Variants in NCAM1 observed in about 807,000 individuals in gnomAD.
NCAM1 encodes the protein neural cell adhesion molecule 1.
Under a neutral mutation model 109.8 loss-of-function variants are expected in NCAM1, and 14 were observed. The observed-to-expected ratio is 0.13, with a 90% confidence interval of 0.08 to 0.20. The LOEUF is 0.20. Among genes scored for constraint, NCAM1 ranks in the 10% least tolerant of loss-of-function variants. The pLI is 1.00. For missense variants in NCAM1, 774 were observed against 1,109.9 expected, an observed-to-expected ratio of 0.70 and a Z score of 4.30; for synonymous variants, 418 against 442.9, an observed-to-expected ratio of 0.94 and a Z score of 0.70.
intron 14 of NCAM1, chr11:113,236,408 C>G: frequency 7.2e-7 from 1 of 1,382,296 alleles, no homozygotes; most frequent in Non-Finnish European, 1.0e-6. Context: ...TTTTTTGTCC[C>G]CTAGAGGCTG....
At chr11:113,100,321 G>A (rs143008935) in intron 1 of NCAM1, among the ~76,000 whole-genome samples, 1,890 of 152,230 alleles carry the variant, frequency 0.012, 21 homozygotes, top group Non-Finnish European at 0.018. Flanking sequence ...TGGCCCCACA[G>A]TAGCATCTAG....
chr11:113,177,336 G>A (rs1316282848), intron 1 of NCAM1, among the ~76,000 whole-genome samples: 1 of 152,048 alleles, frequency 6.6e-6, no homozygotes, highest in African/African-American at 2.4e-5. Flanking sequence ...CCTTATGTGG[G>A]CTGAAATTCC....
rs1946445718 is a variant in NCAM1, at chr11:113,278,259, C to G, written c.*2872C>G. 6.6e-6 allele frequency: 1 copy of G among 152,172 alleles called. No homozygotes were observed. Among genetic ancestry groups the G allele is most frequent in the South Asian group, 2.1e-4 (1 of 4,820 alleles). 9.4% of individuals were successfully genotyped at this position (152,172 alleles called of 1,614,324 possible). ...TTCAGACCTCCATTAACATCCCTAC[C>G]CAGCATTCTGTACTTCGGGGGCCTT... On this transcript the variant is annotated 3_prime_UTR_variant, in exon 20 of 20. Transcript: ENST00000316851.
At chr11:113,022,200 G>A (rs890836997) in intron 1 of NCAM1, among the ~76,000 whole-genome samples, 3 of 152,154 alleles carry the variant, frequency 2.0e-5, no homozygotes, top group Non-Finnish European at 2.9e-5. Flanking sequence ...CAAACACCTC[G>A]TTTGGGGCAC....
chr11:113,272,136 C>T (rs1383007294), intron 19 of NCAM1, among the ~76,000 whole-genome samples: 1 of 152,122 alleles, frequency 6.6e-6, no homozygotes, highest in Admixed American at 6.5e-5. Context: ...CCCCTGTTCT[C>T]AAGTTATACA....
chr11:113,073,306 G>A (rs1938374150), intron 1 of NCAM1, among the ~76,000 whole-genome samples: 1 of 152,068 alleles, frequency 6.6e-6, no homozygotes, highest in South Asian at 2.1e-4. Context: ...AAATAAAAAG[G>A]CCCTCTTTCT....
intron 1 of NCAM1, among the ~76,000 whole-genome samples, chr11:113,166,330 G>A (rs1385651457): frequency 1.3e-5 from 2 of 152,138 alleles, no homozygotes; most frequent in East Asian, 3.9e-4. Flanking sequence ...TGCAGATGAG[G>A]GACTCTGAAA....
At position 113,263,276 on chromosome 11, in the gene NCAM1, G is replaced by GCGC. The variant is rs1946058934; in HGVS notation, c.2131+2953_2131+2954insCGC. 3 of 1,021,442 alleles carry GCGC rather than the reference G, an allele frequency of 2.9e-6. No homozygotes were observed. In the Admixed American group the frequency reaches 1.6e-4, roughly 55 times the overall value. The allele number at this position is 1,021,442 out of a possible 1,614,324, so 63.3% of individuals were successfully genotyped here. On this transcript the variant is annotated intron_variant, in intron 17 of 19. Transcript: ENST00000316851. ...TTTTGGGTTCAAACCTAAATATGAT[G>GCGC]TAGCAGAGGAAGAATTCTAAGTACC...
chr11:113,099,312 T>C (rs919751931), intron 1 of NCAM1, among the ~76,000 whole-genome samples: 3 of 152,180 alleles, frequency 2.0e-5, no homozygotes, highest in African/African-American at 7.2e-5. Context: ...GAAAACATCA[T>C]GAGGAGATGG....
chr11:113,059,594 G>GGA (rs140216205), intron 1 of NCAM1, among the ~76,000 whole-genome samples: 1,683 of 152,212 alleles, frequency 0.011, 31 homozygotes, highest in South Asian at 0.047. Context: ...GGTCGCAGGT[G>GGA]GACACTTCTT....
intron 1 of NCAM1, among the ~76,000 whole-genome samples, chr11:113,145,165 C>T (rs782221457): frequency 7.2e-5 from 11 of 152,160 alleles, no homozygotes; most frequent in Non-Finnish European, 1.6e-4. Flanking sequence ...ATTTTACTGA[C>T]CCCAGAAATG....
chr11:113,117,894 C>T (rs1940779908), intron 1 of NCAM1, among the ~76,000 whole-genome samples: 1 of 151,992 alleles, frequency 6.6e-6, no homozygotes, highest in South Asian at 2.1e-4. Context: ...TTTTTAAATA[C>T]ACAAATTATT....
At chr11:113,206,317 C>T (rs1944236751) in intron 5 of NCAM1, 137 bp downstream of exon 5, 4 of 859,132 alleles carry the variant, frequency 4.7e-6, no homozygotes, top group Non-Finnish European at 6.7e-6. Context: ...AAATCCCCTC[C>T]CCACCGTAAC....
At chr11:113,170,543 G>A (rs1177579695) in intron 1 of NCAM1, among the ~76,000 whole-genome samples, 1 of 152,214 alleles carries the variant, frequency 6.6e-6, no homozygotes, top group African/African-American at 2.4e-5. Flanking sequence ...AGATCAAAAG[G>A]CTATGGAGAA....
chr11:113,191,282 G>A (rs142390557), intron 1 of NCAM1, among the ~76,000 whole-genome samples: 4 of 152,308 alleles, frequency 2.6e-5, no homozygotes, highest in African/African-American at 7.2e-5. Flanking sequence ...GTCTACGGCA[G>A]GGAGAAGAGT....
intron 1 of NCAM1, among the ~76,000 whole-genome samples, chr11:113,181,321 G>A (rs782390922): frequency 6.6e-6 from 1 of 152,148 alleles, no homozygotes; most frequent in Non-Finnish European, 1.5e-5. Context: ...GTAGGATGCC[G>A]GCTGTTTGGC....
At chr11:113,236,379 G>A (rs189797528) in intron 14 of NCAM1, 40 of 1,566,482 alleles carry the variant, frequency 2.6e-5, no homozygotes, top group East Asian at 2.5e-4. Flanking sequence ...GTTCTAGTTC[G>A]TAATTTAGTT....
chr11:113,114,568 T>A (rs1940603049), intron 1 of NCAM1, among the ~76,000 whole-genome samples: 1 of 152,208 alleles, frequency 6.6e-6, no homozygotes, highest in South Asian at 2.1e-4. Context: ...GCTTGGGGAT[T>A]TTTGTTTTTC....
intron 1 of NCAM1, among the ~76,000 whole-genome samples, chr11:113,088,771 A>G (rs1555088788): frequency 6.6e-6 from 1 of 152,156 alleles, no homozygotes; most frequent in Non-Finnish European, 1.5e-5. Context: ...TAGCATCTCT[A>G]TATATTAATG....
Sources: allele counts gnomAD v4.1 joint callset (sites outside exome capture counted in the v4.1 genomes callset), GRCh38; gene constraint gnomAD v4.1.1; transcripts MANE v1.5; gene names NCBI Gene and HGNC (gene_info 2026-07-23, HGNC 2026-07-21).